Variants in FOXK2 observed in about 807,000 individuals in gnomAD.
FOXK2 encodes forkhead box K2.
Under a neutral mutation model 53.3 loss-of-function variants are expected in FOXK2, and 24 were observed. The ratio of observed to expected loss-of-function variants is 0.45; its 90% CI spans 0.33 to 0.63. The LOEUF is 0.63. FOXK2 is among the 30% of genes least tolerant of loss of function. The pLI is 0.03. For synonymous variants in FOXK2, 505 were observed against 407.1 expected, an observed-to-expected ratio of 1.24 and a Z score of -2.89; for missense variants, 952 against 910.5, an observed-to-expected ratio of 1.05 and a Z score of -0.59.
At chr17:82,590,096 A>G (rs1042466839) in intron 8 of FOXK2, among the ~76,000 whole-genome samples, 16 of 151,870 alleles carry the variant, frequency 1.1e-4, no homozygotes, top group Non-Finnish European at 1.6e-4. Flanking sequence ...TATTGCTTTC[A>G]TGCTCCATCC....
intron 3 of FOXK2, among the ~76,000 whole-genome samples, chr17:82,570,664 A>G (rs1016892613): frequency 6.6e-6 from 1 of 152,218 alleles, no homozygotes; most frequent in African/African-American, 2.4e-5. Context: ...ATAATTGTTC[A>G]TTGTAAAACT....
rs759762507 is a variant in FOXK2 at position 82,587,073 on chromosome 17, G to T, written c.1587G>T (p.Glu529Asp). ...GDHREVKVKV[E>D]PIPAIGHATL... ...TTCCTTTAATTTCAGTGAAAGTAGA[G>T]CCTATTCCCGCCATTGGCCACGCCA... is the stretch of plus-strand genomic sequence containing the variant. The change falls in exon 8 of 9, where the codon GAG (glutamate) becomes GAT (aspartate). Residue 529 changes from glutamate (E) to aspartate (D), a missense_variant. Around this residue, in one of 5 missense-constraint regions of FOXK2, gnomAD observed 551 missense variants for 385.1 expected, o/e 1.43. Coordinates refer to ENST00000335255, the MANE Select transcript of FOXK2 (RefSeq NM_004514.4). The T allele has an allele frequency of 4.4e-5, 71 of 1,608,714 alleles. No homozygotes were observed. Among genetic ancestry groups the T allele is most frequent in the Non-Finnish European group, 5.8e-5 (68 of 1,177,062 alleles).
At chr17:82,540,647 A>G (rs138481544) in intron 1 of FOXK2, among the ~76,000 whole-genome samples, 142 of 152,238 alleles carry the variant, frequency 9.3e-4, no homozygotes, top group African/African-American at 3.3e-3. Context: ...GCTACTCTGC[A>G]GCTGCCTCTC....
rs754696299 is a variant in FOXK2, at chr17:82,587,169, A to G, written c.1683A>G (p.Gln561=). The change falls in exon 8 of 9, where the codon CAA becomes CAG. Residue 561 remains glutamine (Q), a synonymous_variant. Coordinates refer to ENST00000335255, the MANE Select transcript of FOXK2 (RefSeq NM_004514.4). ...TTPVQTVTIV[Q]QAPLGQHQLP... The stretch of plus-strand genomic sequence containing the variant: ...CGGTCCAGACGGTGACCATAGTACA[A>G]CAGGCACCTCTAGGTCAACACCAGC... 3.1e-6 allele frequency: 5 copies of G among 1,613,112 alleles called. No homozygotes were observed. Among genetic ancestry groups the G allele is most frequent in the Middle Eastern group, 1.6e-4 (1 of 6,062 alleles).
rs2045419694 is a variant in FOXK2 at position 82,604,109 on chromosome 17, T to G, written c.*2610T>G. ...CAGCTGCGTCGCTGTGAACTCCCGC[T>G]CTCCACTGTGTTCCTCAGTGTCTGC... On this transcript the variant is annotated 3_prime_UTR_variant, in exon 9 of 9. Transcript: ENST00000335255. The G allele has an allele frequency of 1.3e-5, 2 of 152,256 alleles. No homozygotes were observed. Among genetic ancestry groups the G allele is most frequent in the Admixed American group, 1.3e-4 (2 of 15,278 alleles). The allele number at this position is 152,256 out of a possible 1,614,324, so 9.4% of individuals were successfully genotyped here. A position where few individuals can be genotyped will look rare whatever the true frequency, so the allele number is the denominator to read the frequency against.
intron 1 of FOXK2, among the ~76,000 whole-genome samples, chr17:82,557,214 T>C (rs2044737469): frequency 6.7e-6 from 1 of 149,678 alleles, no homozygotes; most frequent in African/African-American, 2.5e-5. Context: ...GTATTTTTAA[T>C]AGAGATGGGG....
At chr17:82,525,861 ACTTT>A (rs1272481596) in intron 1 of FOXK2, among the ~76,000 whole-genome samples, 1 of 152,222 alleles carries the variant, frequency 6.6e-6, no homozygotes, top group African/African-American at 2.4e-5. Context: ...GTAATTCCAC[ACTTT>A]CTTTCTTACG....
Position 82,576,589 on chromosome 17 carries a change from A to G in FOXK2, c.909+4719A>G, listed in dbSNP as rs1006202604. 7 of 904,610 alleles carry G rather than the reference A, an allele frequency of 7.7e-6. No individual in the cohort carries two copies. The African/African-American group carries it at 8.3e-5, about 11-fold the overall frequency. The allele number at this position is 904,610 out of a possible 1,614,324, so 56.0% of individuals were successfully genotyped here. A position where few individuals can be genotyped will look rare whatever the true frequency, so the allele number is the denominator to read the frequency against. On this transcript the variant is annotated intron_variant, in intron 4 of 8. Coordinates refer to ENST00000335255, the MANE Select transcript of FOXK2 (RefSeq NM_004514.4). The stretch of plus-strand genomic sequence containing the variant: ...GGCTGGTGACATCCAGAATGTTCCA[A>G]TTCATTGGCTGGAGGGAGGACCCAG...
chr17:82,528,838 C>T (rs1459540168), intron 1 of FOXK2, among the ~76,000 whole-genome samples: 1 of 152,234 alleles, frequency 6.6e-6, no homozygotes, highest in Non-Finnish European at 1.5e-5. Context: ...TGCAGTTTGT[C>T]ATTTGAGATG....
At chr17:82,548,558 A>G (rs1424558196) in intron 1 of FOXK2, among the ~76,000 whole-genome samples, 3 of 152,168 alleles carry the variant, frequency 2.0e-5, no homozygotes, top group South Asian at 4.1e-4. Flanking sequence ...TGTATTGTGA[A>G]TATTTTCTCC....
chr17:82,589,881 A>G (rs930228972), intron 8 of FOXK2, among the ~76,000 whole-genome samples: 1 of 152,164 alleles, frequency 6.6e-6, no homozygotes, highest in Non-Finnish European at 1.5e-5. Flanking sequence ...CTCCGTCTCT[A>G]CTAAAACTAC....
At chr17:82,553,920 G>A (rs1347727351) in intron 1 of FOXK2, among the ~76,000 whole-genome samples, 2 of 152,110 alleles carry the variant, frequency 1.3e-5, no homozygotes, top group Non-Finnish European at 2.9e-5. Context: ...TGCAGTCTCC[G>A]CCTCCCAGGT....
chr17:82,526,719 A>G (rs890159255), intron 1 of FOXK2, among the ~76,000 whole-genome samples: 8 of 152,060 alleles, frequency 5.3e-5, no homozygotes, highest in African/African-American at 1.2e-4. Context: ...AGTCCCAGCT[A>G]CTTGGGAGGC....
Position 82,601,770 on chromosome 17 carries a change from C to T in FOXK2, c.*271C>T, listed in dbSNP as rs34611296. ...ACCTACGAGTGAAACTCTGTCCTCC[C>T]GCGAGGACCAGGCATCGCTGTGTGA... On this transcript the variant is annotated 3_prime_UTR_variant, in exon 9 of 9. Transcript: ENST00000335255. 422 of 361,790 alleles carry T rather than the reference C, an allele frequency of 1.2e-3. 2 individuals are homozygous for T. The highest frequency in any genetic ancestry group is 7.9e-3 in the African/African-American group (391 of 49,720). 22.4% of individuals were successfully genotyped at this position (361,790 alleles called of 1,614,324 possible). A position where few individuals can be genotyped will look rare whatever the true frequency, so the allele number is the denominator to read the frequency against.
chr17:82,599,688 C>G (rs2045360437), intron 8 of FOXK2: 1 of 152,262 alleles, frequency 6.6e-6, no homozygotes, highest in South Asian at 2.1e-4. Flanking sequence ...CCATGAGGAG[C>G]TGACCACGCA....
At chr17:82,552,676 G>A (rs1280366629) in intron 1 of FOXK2, among the ~76,000 whole-genome samples, 1 of 152,210 alleles carries the variant, frequency 6.6e-6, no homozygotes, top group Non-Finnish European at 1.5e-5. Flanking sequence ...GAACTCTAGA[G>A]GTGAAGTTGT....
At chr17:82,576,741 G>T in intron 4 of FOXK2, 1 of 765,074 alleles carries the variant, frequency 1.3e-6, no homozygotes, top group Non-Finnish European at 2.1e-6. Flanking sequence ...CGTGAACGTA[G>T]CAGCATGTCG....
chr17:82,585,227 T>C (rs1201946709), intron 6 of FOXK2: 1 of 152,244 alleles, frequency 6.6e-6, no homozygotes, highest in Admixed American at 6.5e-5. Flanking sequence ...TTTTGAACTT[T>C]CTGCTTCCCT....
At chr17:82,535,752 T>G (rs892048326) in intron 1 of FOXK2, among the ~76,000 whole-genome samples, 34 of 150,838 alleles carry the variant, frequency 2.3e-4, no homozygotes, top group African/African-American at 8.2e-4. Context: ...GTTTTTGTTT[T>G]TGTTTTTTTT....
Sources: allele counts gnomAD v4.1 joint callset (sites outside exome capture counted in the v4.1 genomes callset), GRCh38; gene constraint gnomAD v4.1.1; regional missense constraint gnomAD v4.1.1; transcripts MANE v1.5; gene names NCBI Gene and HGNC (gene_info 2026-07-23, HGNC 2026-07-21).